Variants in CEP250 observed in about 807,000 individuals in gnomAD.
CEP250 encodes centrosome-associated protein CEP250.
CEP250 carries 242 observed loss-of-function variants against 315.7 expected under a neutral mutation model. The observed-to-expected ratio is 0.77, with a 90% CI of 0.69 to 0.85. The LOEUF (loss-of-function observed/expected upper bound fraction) is 0.85, where lower values mean the gene tolerates loss of function less well. CEP250 is among the 40% of genes least tolerant of loss of function. The pLI, the probability that CEP250 is intolerant of heterozygous loss-of-function variation, is 0.00. For synonymous variants in CEP250, 1,088 were observed against 1,175.0 expected (o/e 0.93, Z 1.51); for missense variants, 2,515 against 2,886.4 (o/e 0.87, Z 2.95).
chr20:35,490,071 G>T (rs2063640876), intron 20 of CEP250, among the ~76,000 whole-genome samples: 1 of 152,064 alleles, frequency 6.6e-6, no homozygotes, highest in African/African-American at 2.4e-5. Flanking sequence ...CCAGCACTTT[G>T]GGAGGCCGAG....
chr20:35,465,886 G>A (rs2062866847), intron 6 of CEP250, 61 bp downstream of exon 6: 16 of 1,536,340 alleles, frequency 1.0e-5, no homozygotes, highest in South Asian at 8.5e-5. Flanking sequence ...AGGCTGATGG[G>A]AAACTTCTGC....
At chr20:35,485,645 CTTTTTTTTTTTTT>C (rs782622070) in intron 20 of CEP250, among the ~76,000 whole-genome samples, 1,942 of 33,848 alleles carry the variant, frequency 0.057, 61 homozygotes, top group South Asian at 0.28. Flanking sequence ...GTCTGCCTGG[CTTTTTTTTTTTTT>C]TTTTTTTTTT....
chr20:35,485,621 G>T (rs1397237874), intron 20 of CEP250, among the ~76,000 whole-genome samples: 9 of 131,428 alleles, frequency 6.8e-5, no homozygotes, highest in Admixed American at 8.3e-5. Flanking sequence ...CTCCTAAGTA[G>T]CTAGGACTAC....
In CEP250 at chr20:35,502,886, A is replaced by G. The variant is rs1189299387; in HGVS notation, c.4517A>G (p.Gln1506Arg). 4 of 1,614,120 alleles carry G rather than the reference A, an allele frequency of 2.5e-6. No homozygotes were observed. In the South Asian group the frequency reaches 3.3e-5, roughly 13 times the overall value. Residue 1506 changes from glutamine to arginine, a missense_variant, in exon 30 of 35, where the codon CAG (glutamine) becomes CGG (arginine). Transcript: ENST00000397527. ...GAGCGAGAGCAGAAGCTGACTGTGC[A>G]GAGGGAGCAGATCAGAGAGCTCGAG... ...VQEREQKLTV[Q>R]REQIRELEKD...
intron 34 of CEP250, among the ~76,000 whole-genome samples, chr20:35,510,856 G>T (rs569317163): frequency 2.3e-4 from 35 of 152,210 alleles, no homozygotes; most frequent in African/African-American, 8.4e-4. Flanking sequence ...TTAGCTGGAC[G>T]TGGTGGTGCA....
Position 35,496,564 on chromosome 20 carries a change from CCT to C in CEP250, c.3168-8_3168-7del. 1 of 1,612,462 alleles carries C rather than the reference CCT, an allele frequency of 6.2e-7. No homozygotes were observed. Among genetic ancestry groups the C allele is most frequent in the Non-Finnish European group, 8.5e-7 (1 of 1,179,090 alleles). The stretch of plus-strand genomic sequence containing the variant: ...AAGAGAATGGCCCAGCACTCTGACC[CCT>C]CTCTTTTTAGCCTGACTCTCTCACT... On this transcript the variant is annotated splice_polypyrimidine_tract_variant and intron_variant, in intron 24 of 34. Transcript: ENST00000397527.
intron 10 of CEP250, 51 bp from the exon 11 acceptor site, chr20:35,471,999 A>T (rs1271342928): frequency 1.8e-6 from 2 of 1,125,622 alleles, no homozygotes; most frequent in South Asian, 2.5e-5. Context: ...TGGAATAATA[A>T]ATTCACTTTT....
chr20:35,479,658 G>A lies in CEP250; in HGVS notation c.2301G>A (p.Glu767=), dbSNP rs2063284892. The part of the protein sequence containing the change: ...EQLQGLSSAK[E]LLESSLFEAQ... The stretch of plus-strand genomic sequence containing the variant: ...CTGAACCTCACAGCTCAGCCAAGGA[G>A]CTACTGGAGAGCAGTCTGTTTGAAG... Residue 767 remains glutamate (E), a synonymous_variant, in exon 19 of 35, where the codon GAG becomes GAA. Transcript: ENST00000397527. The A allele has an allele frequency of 6.2e-7, 1 of 1,614,214 alleles. No homozygotes were observed. The highest frequency in any genetic ancestry group is 1.3e-5 in the African/African-American group (1 of 75,044).
At chr20:35,509,106 C>A in intron 33 of CEP250, 62 bp downstream of exon 33, 1 of 1,368,588 alleles carries the variant, frequency 7.3e-7, no homozygotes, top group Non-Finnish European at 1.0e-6. Flanking sequence ...AGAAACTCAG[C>A]CCTCCTCATT....
chr20:35,461,320 A>T (rs1218386851), intron 3 of CEP250, among the ~76,000 whole-genome samples: 1 of 152,216 alleles, frequency 6.6e-6, no homozygotes, highest in African/African-American at 2.4e-5. Flanking sequence ...TGATACCCTC[A>T]TTTCTGGATG....
chr20:35,470,501 G>A (rs1394974789), intron 10 of CEP250, among the ~76,000 whole-genome samples: 2 of 152,210 alleles, frequency 1.3e-5, no homozygotes, highest in African/African-American at 2.4e-5. Flanking sequence ...TGTAATCCCA[G>A]CACTATGGGA....
chr20:35,498,682 TTCA>T lies in CEP250; in HGVS notation c.3747_3749del (p.His1249del). ...GCAGTAGCATCTGCCCTCCACAAGC[TTCA>T]TCAAGACCTGTGGAAGACTCAACAG... On this transcript the variant is annotated inframe_deletion, in exon 27 of 35. Coordinates refer to ENST00000397527, the MANE Select transcript of CEP250 (RefSeq NM_007186.6). 2 of 1,603,786 alleles carry T rather than the reference TTCA, an allele frequency of 1.2e-6. No individual in the cohort carries two copies. The highest frequency in any genetic ancestry group is 1.3e-5 in the African/African-American group (1 of 74,164).
chr20:35,477,786 C>T (rs1601177663), intron 16 of CEP250, 85 bp from the exon 17 acceptor site: 2 of 1,048,492 alleles, frequency 1.9e-6, no homozygotes, highest in African/African-American at 3.2e-5. Context: ...ATTCATATCT[C>T]ACTTGGATTT....
intron 29 of CEP250, 63 bp from the exon 30 acceptor site, chr20:35,502,327 C>T (rs754745800): frequency 2.3e-4 from 306 of 1,352,052 alleles, no homozygotes; most frequent in Non-Finnish European, 2.8e-4. Flanking sequence ...AGAGAAGGGT[C>T]GGTGTTGGGG....
Position 35,490,791 on chromosome 20 carries a change from G to A in CEP250, c.2741G>A (p.Ser914Asn). The change falls in exon 21 of 35, where the codon AGT becomes AAT. Residue 914 changes from serine to asparagine, a missense_variant. Physicochemically the swap from Ser to Asn is conservative, Grantham distance 46. Transcript: ENST00000397527. Reference protein sequence around the residue: ...QREEERTQAESALCQMQLETE... With the variant: ...QREEERTQAENALCQMQLETE... ...GAAGAAGAACGGACCCAGGCAGAGA[G>A]TGCCCTATGCCAGGTGGGAAGCTAG... 1 of 1,613,018 alleles carries A rather than the reference G, an allele frequency of 6.2e-7. No homozygotes were observed. Among genetic ancestry groups the A allele is most frequent in the South Asian group, 1.1e-5 (1 of 91,040 alleles).
At chr20:35,479,176 C>T (rs1421702064) in intron 17 of CEP250, 55 bp from the exon 18 acceptor site, 7 of 1,540,626 alleles carry the variant, frequency 4.5e-6, no homozygotes, top group South Asian at 1.2e-5. Context: ...CTGGTGGTAG[C>T]GGCCCCAGGG....
In CEP250 at chr20:35,466,999, C is replaced by A; in HGVS notation, c.526C>A (p.Arg176Ser). ...GGGCTACCTGAAAGGGGAGCACGGT[C>A]GCCTTCTCAGTCTATGGCGGGAGGT... is the stretch of plus-strand genomic sequence containing the variant. The part of the protein sequence containing the change: ...FKGYLKGEHG[R>S]LLSLWREVVT... The change falls in exon 8 of 35, where the codon CGC becomes AGC. Residue 176 changes from arginine (R) to serine (S), a missense_variant. Coordinates refer to ENST00000397527, the MANE Select transcript of CEP250 (RefSeq NM_007186.6). The A allele has an allele frequency of 6.2e-7, 1 of 1,613,752 alleles. No homozygotes were observed. The highest frequency in any genetic ancestry group is 8.5e-7 in the Non-Finnish European group (1 of 1,179,688).
Position 35,473,938 on chromosome 20 carries a change from C to T in CEP250, c.1457C>T (p.Ala486Val). 1 of 1,612,492 alleles carries T rather than the reference C, an allele frequency of 6.2e-7. No homozygotes were observed. The highest frequency in any genetic ancestry group is 8.5e-7 in the Non-Finnish European group (1 of 1,179,508). The change falls in exon 14 of 35, where the codon GCA becomes GTA. Residue 486 changes from alanine to valine, a missense_variant. Physicochemically the swap from Ala to Val is moderately conservative, Grantham distance 64 (BLOSUM62 0). Coordinates refer to ENST00000397527, the MANE Select transcript of CEP250 (RefSeq NM_007186.6). ...RQQLEVLEQE[A>V]WRLRRVNVEL... ...CAGCTGGAGGTGCTAGAGCAGGAGG[C>T]ATGGCGCCTGCGAAGGGTAAATGTG...
rs1383387695 is a variant in CEP250, at chr20:35,501,967, G to A, written c.4020+1G>A. ...AGAGCTACAGCGAATGGAAGCCCAG[G>A]TAAAGTGGTACTGGTTTCAGGGAGG... On this transcript the variant is annotated splice_donor_variant, in intron 29 of 34. Coordinates refer to ENST00000397527, the MANE Select transcript of CEP250 (RefSeq NM_007186.6). LOFTEE classifies it high-confidence loss of function. 2 of 1,611,274 alleles carry A rather than the reference G, an allele frequency of 1.2e-6. No individual in the cohort carries two copies. Among genetic ancestry groups the A allele is most frequent in the Admixed American group, 1.7e-5 (1 of 59,962 alleles).
Sources: gnomAD v4.1 joint callset for allele counts (sites outside exome capture counted in the v4.1 genomes callset) on GRCh38, gnomAD v4.1.1 for gene constraint, MANE v1.5 for transcripts, NCBI Gene and HGNC (gene_info 2026-07-23, HGNC 2026-07-21) for gene names.